The following PLCH1 variants were observed in gnomAD, a reference collection of about 807,000 sequenced individuals.
The protein encoded by PLCH1 is 1-phosphatidylinositol 4,5-bisphosphate phosphodiesterase eta-1.
A neutral mutation model predicts 126.7 loss-of-function variants in PLCH1; 60 were observed. The observed-to-expected ratio is 0.47, with a 90% CI of 0.38 to 0.59. PLCH1 has a LOEUF of 0.59. Ranked by LOEUF, PLCH1 falls within the 20% of genes least tolerant of loss-of-function variation. The pLI is 0.00. For missense variants in PLCH1, 1,723 were observed against 2,040.0 expected (o/e 0.84, Z 2.99); for synonymous variants, 719 against 734.9 (o/e 0.98, Z 0.35).
At chr3:155,585,140 T>C (rs1731192151) in intron 5 of PLCH1, among the ~76,000 whole-genome samples, 1 of 152,136 alleles carries the variant, frequency 6.6e-6, no homozygotes, top group South Asian at 2.1e-4. Flanking sequence ...TTTCCCACAA[T>C]GCAAACCATC....
At chr3:155,699,849 C>CACACACACACACACACACA (rs1553760147) in intron 2 of PLCH1, among the ~76,000 whole-genome samples, 49 of 145,558 alleles carry the variant, frequency 3.4e-4, no homozygotes, top group Admixed American at 5.4e-4. Flanking sequence ...CACACACACA[C>CACACACACACACACACACA]CACTACCTCT....
chr3:155,487,371 G>A (rs550468834), intron 21 of PLCH1, among the ~76,000 whole-genome samples: 248 of 152,234 alleles, frequency 1.6e-3, no homozygotes, highest in Non-Finnish European at 3.0e-3. Flanking sequence ...TCCAAATCCC[G>A]TGTGGTCCTG....
chr3:155,574,481 C>T (rs1729672402), intron 6 of PLCH1, among the ~76,000 whole-genome samples: 1 of 152,144 alleles, frequency 6.6e-6, no homozygotes. Flanking sequence ...TCTGGGGTCT[C>T]CTTTAAATCA....
At chr3:155,712,695 G>A (rs1352996682) in intron 1 of PLCH1, among the ~76,000 whole-genome samples, 1 of 152,012 alleles carries the variant, frequency 6.6e-6, no homozygotes, top group Non-Finnish European at 1.5e-5. Flanking sequence ...AGCTGAGGTG[G>A]CACTATTGCA....
intron 1 of PLCH1, among the ~76,000 whole-genome samples, chr3:155,724,813 T>TGTGTGTGTGTGTG (rs1015618805): frequency 1.4e-5 from 2 of 140,064 alleles, no homozygotes; most frequent in African/African-American, 5.4e-5. Flanking sequence ...TTGGGGGGTT[T>TGTGTGTGTGTGTG]TGTGTGTGTG....
downstream of PLCH1, among the ~76,000 whole-genome samples, chr3:155,477,001 T>C (rs1239661100): frequency 6.6e-6 from 1 of 152,100 alleles, no homozygotes; most frequent in Non-Finnish European, 1.5e-5. Flanking sequence ...CTTCAAATTA[T>C]ATTACAGAGC....
At chr3:155,601,037 T>C (rs553778618) in intron 2 of PLCH1, among the ~76,000 whole-genome samples, 17 of 152,146 alleles carry the variant, frequency 1.1e-4, no homozygotes, top group Non-Finnish European at 1.5e-4. Flanking sequence ...TGCAGTGGCG[T>C]GATCTCGGCT....
rs532021957 is a variant in PLCH1 at position 155,550,459 on chromosome 3, T to C, written c.1191-501A>G. Among the ~76,000 whole-genome samples the C allele has an allele frequency of 4.6e-5, 7 of 152,356 alleles. No homozygotes were observed. In the East Asian group the frequency reaches 1.2e-3, roughly 25 times the overall value. ...TAACATAAGGGAATTCTGTGTTTTA[T>C]AGCATCCTACGTCGCACATTTCAAA... On this transcript the variant is annotated intron_variant, in intron 9 of 22. Coordinates refer to ENST00000460012, the MANE Select transcript of PLCH1 (RefSeq NM_014996.4).
At chr3:155,512,123 G>A (rs1291736462) in intron 12 of PLCH1, among the ~76,000 whole-genome samples, 5 of 150,764 alleles carry the variant, frequency 3.3e-5, no homozygotes, top group South Asian at 2.1e-4. Context: ...TTCCAGGTGC[G>A]TCCGTCACCC....
At chr3:155,595,712 G>GTATC (rs550937783) in intron 3 of PLCH1, among the ~76,000 whole-genome samples, 6,729 of 152,006 alleles carry the variant, frequency 0.044, 191 homozygotes, top group Non-Finnish European at 0.066. Flanking sequence ...ATACATCTAT[G>GTATC]TATCTATCTA....
chr3:155,709,864 T>G (rs1383304092), intron 1 of PLCH1, among the ~76,000 whole-genome samples: 1 of 152,078 alleles, frequency 6.6e-6, no homozygotes, highest in Non-Finnish European at 1.5e-5. Context: ...GGGATCTTCC[T>G]GCCTCAGCTT....
At chr3:155,616,252 G>A (rs1199842897) in intron 2 of PLCH1, among the ~76,000 whole-genome samples, 1 of 150,704 alleles carries the variant, frequency 6.6e-6, no homozygotes, top group Admixed American at 6.6e-5. Flanking sequence ...AAGTAATTCT[G>A]TCTAATTTAG....
intron 2 of PLCH1, among the ~76,000 whole-genome samples, chr3:155,693,150 A>G (rs1343124343): frequency 6.6e-6 from 1 of 151,910 alleles, no homozygotes; most frequent in Non-Finnish European, 1.5e-5. Context: ...TACTTAGTCA[A>G]TGGTTTTTAA....
intron 2 of PLCH1, among the ~76,000 whole-genome samples, chr3:155,637,781 T>C (rs1738914741): frequency 6.6e-6 from 1 of 152,192 alleles, no homozygotes; most frequent in African/African-American, 2.4e-5. Flanking sequence ...TACTTTAGTA[T>C]GTTTACTCAG....
intron 1 of PLCH1, among the ~76,000 whole-genome samples, chr3:155,733,934 CATATATATATATATATAT>C (rs35149793): frequency 1.3e-3 from 124 of 98,170 alleles, no homozygotes; most frequent in East Asian, 5.5e-3. Flanking sequence ...AACAGGTATA[CATATATATATATATATAT>C]ATATATATAT....
chr3:155,499,982 A>G (rs1430156702), intron 14 of PLCH1, among the ~76,000 whole-genome samples: 1 of 152,126 alleles, frequency 6.6e-6, no homozygotes, highest in Non-Finnish European at 1.5e-5. Flanking sequence ...CTAATTTCAA[A>G]TAATTTCATT....
At chr3:155,537,933 C>A (rs1382403190) in intron 10 of PLCH1, among the ~76,000 whole-genome samples, 1 of 152,100 alleles carries the variant, frequency 6.6e-6, no homozygotes, top group East Asian at 1.9e-4. Flanking sequence ...TACCCAACAA[C>A]TGCAGAATAT....
At chr3:155,523,013 C>A (rs553937817) in intron 11 of PLCH1, among the ~76,000 whole-genome samples, 2 of 151,722 alleles carry the variant, frequency 1.3e-5, no homozygotes, top group African/African-American at 2.4e-5. Flanking sequence ...CTCGCTCTGT[C>A]GCCCAGGCTG....
intron 2 of PLCH1, among the ~76,000 whole-genome samples, chr3:155,630,741 G>C (rs757479775): frequency 2.0e-4 from 31 of 152,162 alleles, no homozygotes; most frequent in Non-Finnish European, 3.5e-4. Context: ...AACTATGATT[G>C]ATTCTGGCTT....
Sources: gnomAD v4.1 joint callset for allele counts (sites outside exome capture counted in the v4.1 genomes callset) on GRCh38, gnomAD v4.1.1 for gene constraint, MANE v1.5 for transcripts, NCBI Gene and HGNC (gene_info 2026-07-23, HGNC 2026-07-21) for gene names.